SHISA9: variants seen among roughly 807,000 people sequenced by gnomAD.
SHISA9 encodes protein shisa-9.
SHISA9 carries 13 observed loss-of-function variants against 38.0 expected under a neutral mutation model. The observed-to-expected ratio is 0.34, with a 90% confidence interval of 0.22 to 0.54. The LOEUF (loss-of-function observed/expected upper bound fraction) is 0.54. SHISA9 is among the 20% of genes least tolerant of loss of function. SHISA9 has a pLI of 0.91. For synonymous variants in SHISA9, 275 were observed against 242.0 expected, an observed-to-expected ratio of 1.14 and a Z score of -1.27; for missense variants, 538 against 575.8, an observed-to-expected ratio of 0.93 and a Z score of 0.67.
At chr16:13,331,893 G>A in the SHISA9 span, 1 of 152,118 alleles carries the variant, frequency 6.6e-6, no homozygotes, top group Non-Finnish European at 1.5e-5. Flanking sequence ...CACAGTGCTC[G>A]GTGCACATTC....
chr16:13,273,329 C>A, the SHISA9 span, among the ~76,000 whole-genome samples: 2 of 152,120 alleles, frequency 1.3e-5, no homozygotes, highest in Non-Finnish European at 2.9e-5. Flanking sequence ...GGCTGTATTC[C>A]CACCCAAATC....
chr16:12,931,176 G>A (rs2071456847), intron 2 of SHISA9, among the ~76,000 whole-genome samples: 1 of 152,216 alleles, frequency 6.6e-6, no homozygotes, highest in African/African-American at 2.4e-5. Context: ...GTATTATGTA[G>A]TGGATACAGG....
At chr16:13,028,226 G>A (rs1405458955) in intron 2 of SHISA9, among the ~76,000 whole-genome samples, 4 of 152,046 alleles carry the variant, frequency 2.6e-5, no homozygotes, top group Admixed American at 1.3e-4. Context: ...TTCAATAAAC[G>A]TTATTTAAGA....
At chr16:13,326,292 G>A in the SHISA9 span, among the ~76,000 whole-genome samples, 1 of 152,072 alleles carries the variant, frequency 6.6e-6, no homozygotes, top group Non-Finnish European at 1.5e-5. Context: ...GAATAATGTT[G>A]ACAATATTTG....
chr16:13,146,296 A>G (rs935659122), intron 2 of SHISA9, among the ~76,000 whole-genome samples: 3 of 152,250 alleles, frequency 2.0e-5, no homozygotes, highest in African/African-American at 7.2e-5. Context: ...GGTTTCCTGC[A>G]TTCAGGATAT....
At chr16:13,130,926 C>G (rs2050301047) in intron 2 of SHISA9, among the ~76,000 whole-genome samples, 1 of 152,132 alleles carries the variant, frequency 6.6e-6, no homozygotes, top group Non-Finnish European at 1.5e-5. Flanking sequence ...CCAACTCACA[C>G]CAGTCAGAAT....
intron 2 of SHISA9, among the ~76,000 whole-genome samples, chr16:13,178,737 A>G (rs937934553): frequency 3.9e-4 from 59 of 152,190 alleles, no homozygotes; most frequent in Admixed American, 9.8e-4. Flanking sequence ...ACATTTGAAA[A>G]TAGTAATATT....
At chr16:13,453,434 C>G in the SHISA9 span, among the ~76,000 whole-genome samples, 49 of 152,288 alleles carry the variant, frequency 3.2e-4, no homozygotes, top group Admixed American at 2.5e-3. Flanking sequence ...GCTTGCAAAC[C>G]TGTGTGAGTT....
Position 12,902,461 on chromosome 16 carries a change from A to G in SHISA9, c.397A>G (p.Lys133Glu). 6.4e-7 allele frequency: 1 copy of G among 1,551,368 alleles called. No individual in the cohort carries two copies. The highest frequency in any genetic ancestry group is 8.7e-7 in the Non-Finnish European group (1 of 1,146,974). The change falls in exon 1 of 5, where the codon AAG becomes GAG. Residue 133 changes from lysine (K) to glutamate (E), a missense_variant. Coordinates refer to ENST00000558583, the MANE Select transcript of SHISA9 (RefSeq NM_001145204.3). ...YDTPLWLNTG[K>E]PPARKDDPLH... Reference sequence around the variant, plus strand: ...CACGCCGCTCTGGCTCAACACCGGCAAGCCCCCCGCCCGCAAGGACGACCC... The same window carrying G: ...CACGCCGCTCTGGCTCAACACCGGCGAGCCCCCCGCCCGCAAGGACGACCC...
At chr16:13,199,234 G>T (rs1019046960) in intron 2 of SHISA9, among the ~76,000 whole-genome samples, 1 of 152,298 alleles carries the variant, frequency 6.6e-6, no homozygotes, top group African/African-American at 2.4e-5. Flanking sequence ...TCTTTAATTA[G>T]ACAGTCTAGT....
chr16:13,024,250 T>C (rs1451815464), intron 2 of SHISA9, among the ~76,000 whole-genome samples: 2 of 152,238 alleles, frequency 1.3e-5, no homozygotes, highest in African/African-American at 4.8e-5. Context: ...GCATGGCCTC[T>C]TACTGGCAGC....
chr16:13,050,211 A>G (rs1299820784), intron 2 of SHISA9, among the ~76,000 whole-genome samples: 1 of 152,228 alleles, frequency 6.6e-6, no homozygotes, highest in African/African-American at 2.4e-5. Context: ...GTAGATATAC[A>G]TCTGTTGATG....
chr16:13,262,839 G>C, the SHISA9 span, among the ~76,000 whole-genome samples: 3 of 152,146 alleles, frequency 2.0e-5, no homozygotes, highest in South Asian at 2.1e-4. Context: ...ACCCAGTTGA[G>C]AGATATAAAG....
the SHISA9 span, among the ~76,000 whole-genome samples, chr16:13,284,394 T>A: frequency 2.1e-4 from 32 of 152,298 alleles, no homozygotes; most frequent in African/African-American, 7.2e-4. Context: ...GCATTAACAT[T>A]TTCTTTTAGT....
chr16:13,095,416 A>C (rs2073815086), intron 2 of SHISA9, among the ~76,000 whole-genome samples: 1 of 152,218 alleles, frequency 6.6e-6, no homozygotes, highest in Admixed American at 6.5e-5. Context: ...ATGAGTGAAA[A>C]AAGGCAGATT....
the SHISA9 span, among the ~76,000 whole-genome samples, chr16:13,483,367 G>T: frequency 7.9e-5 from 12 of 152,210 alleles, no homozygotes; most frequent in Non-Finnish European, 1.8e-4. Context: ...TACAGAAATT[G>T]GAAGGAAACA....
chr16:13,037,209 A>T (rs2073085007), intron 2 of SHISA9, among the ~76,000 whole-genome samples: 1 of 150,824 alleles, frequency 6.6e-6, no homozygotes, highest in South Asian at 2.1e-4. Flanking sequence ...TTTCTTGTGT[A>T]ATGGTGTTTT....
At chr16:13,460,926 G>A in the SHISA9 span, among the ~76,000 whole-genome samples, 1 of 152,190 alleles carries the variant, frequency 6.6e-6, no homozygotes, top group South Asian at 2.1e-4. Flanking sequence ...AGTATGGCAT[G>A]AGCACACCCA....
rs573341029 is a variant in SHISA9, at chr16:13,111,124, A to G, written c.692-92270A>G. On this transcript the variant is annotated intron_variant, in intron 2 of 4. Transcript: ENST00000558583. ...AAACCTAGGCAATACCATTCAGGAC[A>G]TAGGCATGGGTAAAGACTTCATGAC... Among the ~76,000 whole-genome samples, 4 of 152,360 alleles carry G rather than the reference A, an allele frequency of 2.6e-5. No individual in the cohort carries two copies. The South Asian group carries it at 8.3e-4, about 32-fold the overall frequency.
Sources: allele counts gnomAD v4.1 joint callset (sites outside exome capture counted in the v4.1 genomes callset), GRCh38; gene constraint gnomAD v4.1.1; transcripts MANE v1.5; gene names NCBI Gene and HGNC (gene_info 2026-07-23, HGNC 2026-07-21).